Variants in CMYA5 observed in about 807,000 individuals in gnomAD.
CMYA5 encodes cardiomyopathy associated 5, also known as cardiomyopathy-associated protein 5.
Under a neutral mutation model 318.9 loss-of-function variants are expected in CMYA5, and 246 were observed. That is an observed-to-expected ratio of 0.77 (90% confidence interval 0.70 to 0.86). The LOEUF is 0.86. Among genes scored for constraint, CMYA5 ranks in the 40% least tolerant of loss-of-function variants. CMYA5 has a pLI of 0.00. For synonymous variants in CMYA5, 1,641 were observed against 1,729.5 expected (o/e 0.95, Z 1.27); for missense variants, 4,589 against 4,678.2 (o/e 0.98, Z 0.56).
chr5:79,747,739 A>G (rs1828354628), intron 5 of CMYA5, among the ~76,000 whole-genome samples: 1 of 152,264 alleles, frequency 6.6e-6, no homozygotes, highest in Non-Finnish European at 1.5e-5. Flanking sequence ...AGCATTTCAT[A>G]TTATAATTAT....
In CMYA5 at chr5:79,737,419, T is replaced by G. The variant is rs752469642; in HGVS notation, c.8654T>G (p.Leu2885Arg). The G allele has an allele frequency of 6.2e-7, 1 of 1,613,880 alleles. No individual in the cohort carries two copies. Among genetic ancestry groups the G allele is most frequent in the Non-Finnish European group, 8.5e-7 (1 of 1,179,824 alleles). ...AAEDTRVKEP[L>R]SSAKSNYAQF... ...GAAGATACCCGTGTAAAGGAACCACTGTCTTCAGCAAAAAGCAACTATGCT... is the reference window on the plus strand; with the variant it reads ...GAAGATACCCGTGTAAAGGAACCACGGTCTTCAGCAAAAAGCAACTATGCT... The change falls in exon 2 of 13, where the codon CTG becomes CGG. Residue 2885 changes from leucine to arginine, a missense_variant. Physicochemically the swap from Leu to Arg is moderately radical, Grantham distance 102. This residue lies in a region of CMYA5 where 2,431 missense variants were observed against 2,495.1 expected (regional missense o/e 0.97). Transcript: ENST00000446378.
chr5:79,790,491 G>A (rs1208417906), intron 10 of CMYA5, among the ~76,000 whole-genome samples: 7 of 152,170 alleles, frequency 4.6e-5, no homozygotes, highest in East Asian at 3.9e-4. Context: ...GGCTGGTCTC[G>A]AGCTCCTGAC....
chr5:79,752,851 GT>G (rs1441045020), intron 6 of CMYA5, 57 bp downstream of exon 6: 1 of 1,226,920 alleles, frequency 8.2e-7, no homozygotes, highest in Non-Finnish European at 1.2e-6. Context: ...TTGCTTGTTT[GT>G]TTTGTATGTA....
intron 1 of CMYA5, among the ~76,000 whole-genome samples, chr5:79,728,216 T>C (rs1326237521): frequency 6.6e-6 from 1 of 152,100 alleles, no homozygotes; most frequent in Non-Finnish European, 1.5e-5. Flanking sequence ...TGCCGAACAG[T>C]GAATTATTGT....
intron 1 of CMYA5, among the ~76,000 whole-genome samples, chr5:79,690,970 G>C (rs1826960751): frequency 6.6e-6 from 1 of 152,230 alleles, no homozygotes; most frequent in African/African-American, 2.4e-5. Flanking sequence ...GGTCAGACAA[G>C]AAGTCCTGAA....
Position 79,734,906 on chromosome 5 carries a change from C to T in CMYA5, c.6141C>T (p.Phe2047=). The change falls in exon 2 of 13, where the codon TTC becomes TTT. Residue 2047 remains phenylalanine (F), a synonymous_variant. Transcript: ENST00000446378. ...AAATTAAACTACCTCCTGAAAGATT[C>T]TTCCAGAAACCAGTGTCTGGCCTAT... ...QEKIKLPPER[F]FQKPVSGLSV... 6.2e-7 allele frequency: 1 copy of T among 1,613,838 alleles called. No individual in the cohort carries two copies. The highest frequency in any genetic ancestry group is 8.5e-7 in the Non-Finnish European group (1 of 1,179,812).
chr5:79,721,767 T>C (rs1007783089), intron 1 of CMYA5, among the ~76,000 whole-genome samples: 1 of 152,168 alleles, frequency 6.6e-6, no homozygotes, highest in African/African-American at 2.4e-5. Context: ...AAAGTTAAAA[T>C]TTCCAGAAAG....
rs758154144 is a variant in CMYA5, at chr5:79,729,525, A to G, written c.760A>G (p.Ile254Val). The change falls in exon 2 of 13, where the codon ATT becomes GTT. Residue 254 changes from isoleucine (I) to valine (V), a missense_variant. Around this residue, in one of 3 missense-constraint regions of CMYA5, gnomAD observed 2,132 missense variants for 2,131.3 expected, o/e 1.00. Coordinates refer to ENST00000446378, the MANE Select transcript of CMYA5 (RefSeq NM_153610.5). Reference protein sequence around the residue: ...FYGTLPKGYVIKEIHYRKGKD... With the variant: ...FYGTLPKGYVVKEIHYRKGKD... ...TGGAACATTGCCAAAGGGTTATGTAATTAAAGAAATACATTATAGGAAAGG... is the reference window on the plus strand; with the variant it reads ...TGGAACATTGCCAAAGGGTTATGTAGTTAAAGAAATACATTATAGGAAAGG... 1 of 1,611,708 alleles carries G rather than the reference A, an allele frequency of 6.2e-7. No individual in the cohort carries two copies. The highest frequency in any genetic ancestry group is 8.5e-7 in the Non-Finnish European group (1 of 1,178,352).
In CMYA5 at chr5:79,751,786, G is replaced by A. The variant is rs113408655; in HGVS notation, c.10992-890G>A. ...AAACCGAAGAGGCTGTGATAAGTCT[G>A]GGGAAAACAAAGCCTAGTGAAGAAT... On this transcript the variant is annotated intron_variant, in intron 5 of 12. Coordinates refer to ENST00000446378, the MANE Select transcript of CMYA5 (RefSeq NM_153610.5). Among the ~76,000 whole-genome samples, 13 of 151,370 alleles carry A rather than the reference G, an allele frequency of 8.6e-5. 1 individual carries two copies. Among genetic ancestry groups the A allele is most frequent in the Middle Eastern group, 3.4e-3 (1 of 294 alleles).
intron 6 of CMYA5, among the ~76,000 whole-genome samples, chr5:79,756,877 C>A (rs259123): frequency 0.43 from 65,316 of 151,492 alleles, 15,704 homozygotes; most frequent in African/African-American, 0.65. Flanking sequence ...GGAAAAAAAA[C>A]CCATAAAAAA....
At chr5:79,710,145 T>C (rs972040227) in intron 1 of CMYA5, among the ~76,000 whole-genome samples, 2 of 152,056 alleles carry the variant, frequency 1.3e-5, no homozygotes, top group African/African-American at 2.4e-5. Context: ...TTCAGCTGTC[T>C]TCTGCTAGCC....
At chr5:79,710,002 A>G (rs1827357514) in intron 1 of CMYA5, among the ~76,000 whole-genome samples, 1 of 150,756 alleles carries the variant, frequency 6.6e-6, no homozygotes, top group African/African-American at 2.4e-5. Flanking sequence ...AGAAAGAAAA[A>G]GAAAATATCC....
chr5:79,725,561 A>G (rs1397540515), intron 1 of CMYA5, among the ~76,000 whole-genome samples: 1 of 152,214 alleles, frequency 6.6e-6, no homozygotes, highest in Non-Finnish European at 1.5e-5. Flanking sequence ...CTCAGCATCA[A>G]ACAGTATACC....
intron 9 of CMYA5, among the ~76,000 whole-genome samples, chr5:79,767,753 G>A (rs1828781127): frequency 6.6e-6 from 1 of 152,204 alleles, no homozygotes; most frequent in Non-Finnish European, 1.5e-5. Context: ...TAAGTGCAAT[G>A]TGGTGCTGAG....
rs763513823 is a variant in CMYA5, at chr5:79,731,208, A to G, written c.2443A>G (p.Ile815Val). Residue 815 changes from isoleucine (I) to valine (V), a missense_variant, in exon 2 of 13, where the codon ATA (isoleucine) becomes GTA (valine). Physicochemically the swap from Ile to Val is conservative, Grantham distance 29. This residue lies in a region of CMYA5 where 2,132 missense variants were observed against 2,131.3 expected (regional missense o/e 1.00). Transcript: ENST00000446378. ...LNATQESQKK[I>V]INEASQFKPK... ...TGCAACACAGGAATCTCAAAAGAAA[A>G]TAATCAATGAGGCATCCCAATTCAA... The G allele has an allele frequency of 5.6e-6, 9 of 1,613,918 alleles. No homozygotes were observed. Among genetic ancestry groups the G allele is most frequent in the Middle Eastern group, 1.6e-4 (1 of 6,084 alleles).
chr5:79,756,992 A>G (rs957485239), intron 6 of CMYA5, among the ~76,000 whole-genome samples: 6 of 152,108 alleles, frequency 3.9e-5, no homozygotes, highest in African/African-American at 9.7e-5. Context: ...AAGGAGTTTG[A>G]GACCAGCCTG....
At chr5:79,717,975 G>A (rs1274408057) in intron 1 of CMYA5, among the ~76,000 whole-genome samples, 2 of 46,052 alleles carry the variant, frequency 4.3e-5, no homozygotes, top group African/African-American at 1.8e-4. Context: ...TGCAAGCTCC[G>A]CCTCCCGGGT....
In CMYA5 at chr5:79,730,280, G is replaced by A. The variant is rs754035398; in HGVS notation, c.1515G>A (p.Glu505=). The A allele has an allele frequency of 5.0e-6, 8 of 1,613,672 alleles. No homozygotes were observed. The highest frequency in any genetic ancestry group is 1.7e-5 in the Admixed American group (1 of 60,006). The part of the protein sequence containing the change: ...LSEPLMLEEP[E]KEEIETSLPI... ...AACCTCTAATGTTAGAAGAACCAGAGAAAGAAGAAATAGAAACTTCCCTAC... is the reference window on the plus strand; with the variant it reads ...AACCTCTAATGTTAGAAGAACCAGAAAAAGAAGAAATAGAAACTTCCCTAC... Residue 505 remains glutamate, a synonymous_variant, in exon 2 of 13, where the codon GAG becomes GAA. Transcript: ENST00000446378.
chr5:79,712,805 A>C (rs774066577), intron 1 of CMYA5, among the ~76,000 whole-genome samples: 62 of 152,274 alleles, frequency 4.1e-4, no homozygotes, highest in Non-Finnish European at 7.5e-4. Flanking sequence ...TATTAGGAAA[A>C]AAAAGTCAGT....
Sources: allele counts gnomAD v4.1 joint callset (sites outside exome capture counted in the v4.1 genomes callset), GRCh38; gene constraint gnomAD v4.1.1; regional missense constraint gnomAD v4.1.1; transcripts MANE v1.5; gene names NCBI Gene and HGNC (gene_info 2026-07-23, HGNC 2026-07-21).